FCHSD2: variants seen among roughly 807,000 people sequenced by gnomAD.
FCHSD2 encodes the protein FCH and double SH3 domains 2.
A neutral mutation model predicts 108.1 loss-of-function variants in FCHSD2; 38 were observed. That is an observed-to-expected ratio of 0.35 (90% CI 0.27 to 0.46). The LOEUF (loss-of-function observed/expected upper bound fraction) is 0.46. FCHSD2 is among the 20% of genes least tolerant of loss of function. The probability of loss-of-function intolerance (pLI) is 1.00; values close to 1 mark genes in which losing one functional copy is unlikely to be tolerated. For missense variants in FCHSD2, 751 were observed against 897.8 expected, an observed-to-expected ratio of 0.84 and a Z score of 2.09; for synonymous variants, 279 against 314.7, an observed-to-expected ratio of 0.89 and a Z score of 1.20.
intron 14 of FCHSD2, among the ~76,000 whole-genome samples, chr11:72,849,044 C>A (rs1861218545): frequency 6.6e-6 from 1 of 152,150 alleles, no homozygotes; most frequent in Non-Finnish European, 1.5e-5. Flanking sequence ...ATTGAGGTTA[C>A]CAAACACTGC....
chr11:73,051,032 C>A (rs1027923192), intron 3 of FCHSD2, among the ~76,000 whole-genome samples: 7 of 152,106 alleles, frequency 4.6e-5, no homozygotes, highest in African/African-American at 1.7e-4. Context: ...TTTTAAAAAT[C>A]TTGCTGGGCA....
chr11:72,887,076 A>AATAT lies in FCHSD2; in HGVS notation c.1146+390_1146+393dup, dbSNP rs139077318. Among the ~76,000 whole-genome samples the AATAT allele has an allele frequency of 3.3e-4, 49 of 149,452 alleles. No homozygotes were observed. In the South Asian group the frequency reaches 4.9e-3, roughly 15 times the overall value. ...TGGGGGAGATTTCCTAAGCTCTGAA[A>AATAT]ATATATATATATATATGAATATATG... On this transcript the variant is annotated intron_variant, in intron 12 of 19. Transcript: ENST00000409418.
intron 12 of FCHSD2, among the ~76,000 whole-genome samples, chr11:72,882,065 A>G (rs1408581134): frequency 6.6e-6 from 1 of 152,126 alleles, no homozygotes; most frequent in Non-Finnish European, 1.5e-5. Flanking sequence ...GAATGGCATG[A>G]AGCCGGGAGG....
At chr11:72,980,395 T>C (rs593753) in intron 8 of FCHSD2, among the ~76,000 whole-genome samples, 121,533 of 152,012 alleles carry the variant, frequency 0.8, 48,822 homozygotes, top group African/African-American at 0.87. Flanking sequence ...TATCCAGTTA[T>C]GGGGGCTCAT....
chr11:72,872,271 CTTTTTTTTTCTTTTCTT>C (rs1565298822), intron 12 of FCHSD2, among the ~76,000 whole-genome samples: 1 of 112,768 alleles, frequency 8.9e-6, no homozygotes, highest in East Asian at 2.7e-4. Flanking sequence ...TGGCACACAA[CTTTTTTTTTCTTTTCTT>C]TTTTTTTTTT....
At chr11:73,093,820 A>G in intron 2 of FCHSD2, among the ~76,000 whole-genome samples, 1 of 151,862 alleles carries the variant, frequency 6.6e-6, no homozygotes, top group East Asian at 2.0e-4. Flanking sequence ...GGTCAGGCTG[A>G]TCTCGAACTC....
intron 3 of FCHSD2, among the ~76,000 whole-genome samples, chr11:73,044,889 T>C (rs991979840): frequency 2.6e-5 from 4 of 151,842 alleles, no homozygotes; most frequent in East Asian, 3.9e-4. Context: ...ACTAACACAG[T>C]GAAACCCCAT....
chr11:72,913,804 C>CA (rs1163108992), intron 9 of FCHSD2, among the ~76,000 whole-genome samples: 4 of 73,456 alleles, frequency 5.4e-5, no homozygotes, highest in African/African-American at 2.1e-4. Context: ...AACTGATATA[C>CA]AAAAAAACCA....
chr11:72,908,628 A>G (rs1855684413), intron 9 of FCHSD2, among the ~76,000 whole-genome samples: 1 of 152,190 alleles, frequency 6.6e-6, no homozygotes. Flanking sequence ...CATTTCTCTG[A>G]TGATTAATGA....
At chr11:73,123,776 T>G (rs1006948266) in intron 2 of FCHSD2, among the ~76,000 whole-genome samples, 3 of 152,190 alleles carry the variant, frequency 2.0e-5, no homozygotes, top group Non-Finnish European at 4.4e-5. Flanking sequence ...CAGAGCTGCC[T>G]TTTCTCTAGT....
intron 13 of FCHSD2, among the ~76,000 whole-genome samples, chr11:72,855,071 C>T (rs910631342): frequency 1.3e-5 from 2 of 152,146 alleles, no homozygotes; most frequent in Admixed American, 1.3e-4. Flanking sequence ...GTCGGGAGTT[C>T]GAAACCAGTC....
chr11:72,930,697 C>T (rs1321823060), intron 8 of FCHSD2, among the ~76,000 whole-genome samples: 3 of 152,138 alleles, frequency 2.0e-5, no homozygotes, highest in South Asian at 2.1e-4. Flanking sequence ...AAGCCAAAAT[C>T]GTGCCACTGC....
At chr11:72,955,518 C>A (rs1311320327) in intron 8 of FCHSD2, among the ~76,000 whole-genome samples, 1 of 152,158 alleles carries the variant, frequency 6.6e-6, no homozygotes, top group Non-Finnish European at 1.5e-5. Flanking sequence ...AAGCTCCTCT[C>A]TGAAGTAGGT....
At chr11:73,052,360 T>G (rs1283909728) in intron 3 of FCHSD2, among the ~76,000 whole-genome samples, 1 of 152,140 alleles carries the variant, frequency 6.6e-6, no homozygotes. Context: ...TACTCCAGAG[T>G]GTAAATCAAT....
intron 10 of FCHSD2, chr11:72,900,250 C>T (rs767599538): frequency 1.2e-5 from 19 of 1,528,874 alleles, no homozygotes; most frequent in South Asian, 3.6e-5. Flanking sequence ...ACCCACACCC[C>T]ATATACCTCA....
chr11:73,044,435 A>G (rs1858709111), intron 3 of FCHSD2, among the ~76,000 whole-genome samples: 1 of 152,014 alleles, frequency 6.6e-6, no homozygotes, highest in Non-Finnish European at 1.5e-5. Context: ...TAAAAATTAG[A>G]TGGGCATGGT....
At chr11:73,080,310 A>AG (rs1447410788) in intron 3 of FCHSD2, among the ~76,000 whole-genome samples, 3 of 151,346 alleles carry the variant, frequency 2.0e-5, no homozygotes, top group Non-Finnish European at 4.4e-5. Context: ...AAAAAAAAAA[A>AG]AAAAAAAAAG....
intron 3 of FCHSD2, among the ~76,000 whole-genome samples, chr11:73,073,961 G>GA: frequency 6.6e-6 from 1 of 151,962 alleles, no homozygotes; most frequent in Non-Finnish European, 1.5e-5. Flanking sequence ...GCATATGGGA[G>GA]AAATTAACAA....
intron 3 of FCHSD2, among the ~76,000 whole-genome samples, chr11:73,057,136 G>C (rs183453164): frequency 1.4e-3 from 210 of 152,166 alleles, no homozygotes; most frequent in African/African-American, 4.9e-3. Context: ...GTTGACAATT[G>C]ATTTGCATCG....
Sources: allele counts gnomAD v4.1 joint callset (sites outside exome capture counted in the v4.1 genomes callset), GRCh38; gene constraint gnomAD v4.1.1; transcripts MANE v1.5; gene names NCBI Gene and HGNC (gene_info 2026-07-23, HGNC 2026-07-21).